The following LDLRAD3 variants were observed in gnomAD, a reference collection of about 807,000 sequenced individuals.
LDLRAD3 encodes the protein low density lipoprotein receptor class A domain containing 3, also known as low-density lipoprotein receptor class A domain-containing protein 3.
In LDLRAD3, 20 loss-of-function variants were observed where a neutral mutation model predicts 29.4. The observed-to-expected ratio is 0.68, with a 90% CI of 0.48 to 0.99. The LOEUF is 0.99. LDLRAD3 is among the 50% of genes least tolerant of loss of function. LDLRAD3 has a pLI of 0.00. For synonymous variants in LDLRAD3, 157 were observed against 192.7 expected (o/e 0.81, Z 1.53); for missense variants, 420 against 454.3 (o/e 0.92, Z 0.69).
chr11:36,074,440 C>T (rs557783485), intron 2 of LDLRAD3, among the ~76,000 whole-genome samples: 19 of 152,206 alleles, frequency 1.2e-4, no homozygotes, highest in African/African-American at 4.6e-4. Context: ...AAAGACATTC[C>T]AGGCAGTGGG....
chr11:35,977,837 C>G (rs1851494371), intron 1 of LDLRAD3, among the ~76,000 whole-genome samples: 1 of 152,116 alleles, frequency 6.6e-6, no homozygotes, highest in Non-Finnish European at 1.5e-5. Context: ...AGGTGCTAAT[C>G]CCATTCATGA....
At chr11:35,972,728 A>C (rs559467076) in intron 1 of LDLRAD3, 1 of 152,314 alleles carries the variant, frequency 6.6e-6, no homozygotes, top group Non-Finnish European at 1.5e-5. Flanking sequence ...TTTGAAAAAG[A>C]AATGCAATCG....
At chr11:36,223,548 G>A (rs1315510927) in intron 4 of LDLRAD3, among the ~76,000 whole-genome samples, 1 of 151,958 alleles carries the variant, frequency 6.6e-6, no homozygotes, top group Non-Finnish European at 1.5e-5. Flanking sequence ...GGGCAACATA[G>A]GGAGACTCCG....
intron 1 of LDLRAD3, among the ~76,000 whole-genome samples, chr11:35,974,393 T>C (rs559754685): frequency 4.8e-4 from 73 of 152,334 alleles, no homozygotes; most frequent in African/African-American, 1.6e-3. Context: ...CTGTTGCTGC[T>C]GTGTAACAAT....
At chr11:36,097,611 AG>A (rs1853380100) in intron 3 of LDLRAD3, among the ~76,000 whole-genome samples, 1 of 152,186 alleles carries the variant, frequency 6.6e-6, no homozygotes, top group Non-Finnish European at 1.5e-5. Flanking sequence ...TGGAAGGGTG[AG>A]TAGGGGGAAG....
At chr11:36,152,893 G>A (rs899499571) in intron 4 of LDLRAD3, among the ~76,000 whole-genome samples, 1 of 152,054 alleles carries the variant, frequency 6.6e-6, no homozygotes, top group African/African-American at 2.4e-5. Context: ...CTTCACAATT[G>A]GGGTGCTCTT....
intron 1 of LDLRAD3, among the ~76,000 whole-genome samples, chr11:36,024,451 T>C (rs1852138194): frequency 6.6e-6 from 1 of 152,118 alleles, no homozygotes; most frequent in Admixed American, 6.5e-5. Context: ...AAATGGAAAA[T>C]TGAAGCTCAG....
chr11:36,206,817 C>T (rs1855217162), intron 4 of LDLRAD3, among the ~76,000 whole-genome samples: 1 of 151,030 alleles, frequency 6.6e-6, no homozygotes, highest in African/African-American at 2.4e-5. Context: ...ACCTCTGCCT[C>T]CTGGGTTCAA....
At chr11:36,143,066 T>C (rs1405107810) in intron 4 of LDLRAD3, among the ~76,000 whole-genome samples, 2 of 152,242 alleles carry the variant, frequency 1.3e-5, no homozygotes, top group Admixed American at 6.5e-5. Flanking sequence ...GTGCTTAACA[T>C]TGCAGATGCA....
At chr11:35,971,182 G>A (rs1851407173) in intron 1 of LDLRAD3, among the ~76,000 whole-genome samples, 1 of 152,078 alleles carries the variant, frequency 6.6e-6, no homozygotes. Context: ...TCCCACCCCT[G>A]CCTACACTAC....
intron 1 of LDLRAD3, among the ~76,000 whole-genome samples, chr11:36,015,086 C>A (rs1453309414): frequency 1.3e-5 from 2 of 152,206 alleles, no homozygotes; most frequent in African/African-American, 2.4e-5. Context: ...CGACAGCAGC[C>A]ATGTAGACTT....
intron 5 of LDLRAD3, among the ~76,000 whole-genome samples, chr11:36,227,974 A>G (rs922268132): frequency 6.6e-6 from 1 of 152,240 alleles, no homozygotes; most frequent in Admixed American, 6.5e-5. Context: ...TCTATAAAAT[A>G]AAGGAGGTGG....
chr11:36,155,758 C>T (rs1854340467), intron 4 of LDLRAD3, among the ~76,000 whole-genome samples: 1 of 152,170 alleles, frequency 6.6e-6, no homozygotes, highest in Non-Finnish European at 1.5e-5. Flanking sequence ...CCCAGGGGTA[C>T]CCGCCTGGCT....
chr11:36,123,360 A>G (rs554692191), intron 4 of LDLRAD3, among the ~76,000 whole-genome samples: 17 of 152,372 alleles, frequency 1.1e-4, no homozygotes, highest in African/African-American at 3.8e-4. Flanking sequence ...GCTTAGCTCC[A>G]TTCTACAAGC....
rs116221177 is a variant in LDLRAD3 at position 35,978,804 on chromosome 11, A to C, written c.46+34660A>C. ...TCAGAGTTGTTTCTCTAACATTCCA[A>C]GTGCTTCAGGTCAGGGGAGGAAAGA... On this transcript the variant is annotated intron_variant, in intron 1 of 5. Transcript: ENST00000315571. Among the ~76,000 whole-genome samples the C allele has an allele frequency of 2.4e-3, 364 of 152,298 alleles. 2 individuals are homozygous for C. The highest frequency in any genetic ancestry group is 8.4e-3 in the African/African-American group (350 of 41,564).
At chr11:35,951,467 T>A (rs1196440307) in intron 1 of LDLRAD3, among the ~76,000 whole-genome samples, 1 of 152,226 alleles carries the variant, frequency 6.6e-6, no homozygotes, top group Non-Finnish European at 1.5e-5. Flanking sequence ...TTTGGCAGTT[T>A]CCCTCACCTT....
At chr11:36,169,174 A>G (rs1030239200) in intron 4 of LDLRAD3, among the ~76,000 whole-genome samples, 3 of 152,164 alleles carry the variant, frequency 2.0e-5, no homozygotes, top group Non-Finnish European at 4.4e-5. Flanking sequence ...TTGATACATA[A>G]TGATTGTAGT....
At chr11:36,017,097 T>C (rs1006994884) in intron 1 of LDLRAD3, among the ~76,000 whole-genome samples, 5 of 152,256 alleles carry the variant, frequency 3.3e-5, no homozygotes, top group Admixed American at 6.5e-5. Flanking sequence ...TTTTACATTA[T>C]TAACTGAAGA....
At chr11:36,041,251 C>T (rs893656744) in intron 2 of LDLRAD3, among the ~76,000 whole-genome samples, 12 of 152,218 alleles carry the variant, frequency 7.9e-5, no homozygotes, top group African/African-American at 2.4e-4. Flanking sequence ...ATTTTACATT[C>T]TATTGATTCA....
Sources: allele counts gnomAD v4.1 joint callset (sites outside exome capture counted in the v4.1 genomes callset), GRCh38; gene constraint gnomAD v4.1.1; transcripts MANE v1.5; gene names NCBI Gene and HGNC (gene_info 2026-07-23, HGNC 2026-07-21).